CELF2: variants seen among roughly 807,000 people sequenced by gnomAD.
The protein encoded by CELF2 is CUG triplet repeat RNA-binding protein 2.
Under a neutral mutation model 62.6 loss-of-function variants are expected in CELF2, and 8 were observed. The observed-to-expected ratio is 0.13, with a 90% CI of 0.07 to 0.23. CELF2 has a LOEUF of 0.23. Ranked by LOEUF, CELF2 falls within the 10% of genes least tolerant of loss-of-function variation. The probability of loss-of-function intolerance (pLI) is 1.00; values close to 1 mark genes in which losing one functional copy is unlikely to be tolerated. For synonymous variants in CELF2, 258 were observed against 250.0 expected, an observed-to-expected ratio of 1.03 and a Z score of -0.30; for missense variants, 333 against 671.0, an observed-to-expected ratio of 0.50 and a Z score of 5.56.
chr10:10,644,375 C>T, the CELF2 span, among the ~76,000 whole-genome samples: 1 of 150,060 alleles, frequency 6.7e-6, no homozygotes, highest in East Asian at 2.0e-4. Context: ...ATTTTAGATT[C>T]AATTAGGAAA....
At chr10:11,275,187 G>A in intron 8 of CELF2, 67 bp downstream of exon 8, 1 of 1,455,170 alleles carries the variant, frequency 6.9e-7, no homozygotes. Context: ...GGTTCCGAGG[G>A]CAAAGACAAG....
chr10:10,893,738 G>A (rs1024060281), intron 1 of CELF2, among the ~76,000 whole-genome samples: 3 of 152,164 alleles, frequency 2.0e-5, no homozygotes, highest in African/African-American at 4.8e-5. Context: ...GTGGGAGCAG[G>A]AGCAAGAGAC....
intron 3 of CELF2, among the ~76,000 whole-genome samples, chr10:11,245,639 TTA>T: frequency 6.6e-6 from 1 of 152,342 alleles, no homozygotes; most frequent in African/African-American, 2.4e-5. Flanking sequence ...CTGAAGAGTC[TTA>T]CGGCAGCACA....
the CELF2 span, among the ~76,000 whole-genome samples, chr10:10,747,551 C>G: frequency 5.3e-5 from 8 of 151,938 alleles, no homozygotes; most frequent in African/African-American, 1.9e-4. Context: ...TGAGGGAAAG[C>G]GGGGATCATC....
At chr10:10,508,708 A>ATAT in the CELF2 span, among the ~76,000 whole-genome samples, 13 of 134,476 alleles carry the variant, frequency 9.7e-5, no homozygotes, top group African/African-American at 4.0e-4. Context: ...GTGTGTGTAT[A>ATAT]TTTTTTTTTT....
the CELF2 span, among the ~76,000 whole-genome samples, chr10:10,696,205 T>C: frequency 3.0e-4 from 46 of 152,186 alleles, no homozygotes; most frequent in African/African-American, 1.0e-3. Flanking sequence ...TTCTGTTTGT[T>C]AGTTTTCCTT....
Position 11,178,379 on chromosome 10 carries a change from C to CG in CELF2, c.271+12701dup, listed in dbSNP as rs991852656. On this transcript the variant is annotated intron_variant, in intron 2 of 12. Coordinates refer to ENST00000633077, the MANE Select transcript of CELF2 (RefSeq NM_001326342.2). The surrounding 1 kb of genome is among the most constrained non-coding windows in gnomAD (Gnocchi z 4.3). ...TATTCAGCTCTAGAGGTGGCAAACA[C>CG]GGGGCCCTTCCACCAGGCCCACTCC... Among the ~76,000 whole-genome samples the CG allele has an allele frequency of 9.8e-5, 15 of 152,324 alleles. No individual in the cohort carries two copies. The highest frequency in any genetic ancestry group is 9.1e-4 in the Admixed American group (14 of 15,302).
chr10:11,116,770 C>T (rs117821365), intron 1 of CELF2, among the ~76,000 whole-genome samples: 3,006 of 152,240 alleles, frequency 0.02, 40 homozygotes, highest in Non-Finnish European at 0.033. Flanking sequence ...TATTAGGTAG[C>T]GTCTATTAAA....
At chr10:10,809,638 ATTAT>A (rs993583885) in intron 1 of CELF2, among the ~76,000 whole-genome samples, 1 of 152,216 alleles carries the variant, frequency 6.6e-6, no homozygotes, top group Non-Finnish European at 1.5e-5. Flanking sequence ...TTACTTGAAA[ATTAT>A]TTAGATATTT....
chr10:11,053,531 A>AT (rs1272880972), intron 1 of CELF2, among the ~76,000 whole-genome samples: 24 of 151,360 alleles, frequency 1.6e-4, no homozygotes, highest in Non-Finnish European at 3.4e-4. Flanking sequence ...GCATCAACAA[A>AT]TTTGTTATTC....
chr10:10,642,676 A>G, the CELF2 span, among the ~76,000 whole-genome samples: 8 of 152,246 alleles, frequency 5.3e-5, no homozygotes, highest in Non-Finnish European at 1.5e-5. Flanking sequence ...GAGAGAAAAC[A>G]CTTATTTTTA....
chr10:10,792,381 G>A, the CELF2 span: 8 of 398,184 alleles, frequency 2.0e-5, 1 homozygote, highest in South Asian at 5.1e-4. Context: ...CCTTTTTCTC[G>A]TTGTAATTCA....
chr10:11,236,386 G>A (rs1408564919), intron 3 of CELF2, among the ~76,000 whole-genome samples: 1 of 152,224 alleles, frequency 6.6e-6, no homozygotes. Context: ...AACATTAACA[G>A]AGCATTGAAG....
At chr10:10,676,971 T>C in the CELF2 span, among the ~76,000 whole-genome samples, 1 of 152,202 alleles carries the variant, frequency 6.6e-6, no homozygotes, top group Non-Finnish European at 1.5e-5. Flanking sequence ...CTAGATGAAC[T>C]AAATACTTAA....
the CELF2 span, among the ~76,000 whole-genome samples, chr10:10,774,244 G>A: frequency 6.6e-6 from 1 of 152,198 alleles, no homozygotes; most frequent in African/African-American, 2.4e-5. Context: ...GAGCCTTTGT[G>A]GATAGACGGA....
chr10:11,129,464 T>A (rs923525090), intron 1 of CELF2, among the ~76,000 whole-genome samples: 7 of 152,232 alleles, frequency 4.6e-5, no homozygotes, highest in Non-Finnish European at 8.8e-5. Context: ...TACCAGCTCT[T>A]CTTTGTACCT....
chr10:11,060,158 C>T lies in CELF2; in HGVS notation c.74+41995C>T, dbSNP rs1331385828. ...TTTGTCCCACCAAGTCACTGAACAG[C>T]CCCATGATCTCAGAGGTACCAGCAG... On this transcript the variant is annotated intron_variant, in intron 1 of 12. Transcript: ENST00000633077. 3.3e-5 allele frequency among the ~76,000 whole-genome samples: 5 copies of T among 152,294 alleles called. No homozygotes were observed. In the East Asian group the frequency reaches 9.7e-4, roughly 29 times the overall value.
the CELF2 span, among the ~76,000 whole-genome samples, chr10:10,708,551 G>A: frequency 6.6e-6 from 1 of 152,110 alleles, no homozygotes; most frequent in East Asian, 1.9e-4. Flanking sequence ...TGGAAAGCAA[G>A]ATAATATTAC....
chr10:11,250,958 T>C (rs2076944897), intron 4 of CELF2, among the ~76,000 whole-genome samples: 1 of 152,178 alleles, frequency 6.6e-6, no homozygotes, highest in Admixed American at 6.5e-5. Flanking sequence ...GCCCTTGTGC[T>C]CCAGAGGTGC....
Sources: allele counts gnomAD v4.1 joint callset (sites outside exome capture counted in the v4.1 genomes callset), GRCh38; gene constraint gnomAD v4.1.1; non-coding constraint Gnocchi (gnomAD v3.1); transcripts MANE v1.5; gene names NCBI Gene and HGNC (gene_info 2026-07-23, HGNC 2026-07-21).